SLC38A6: variants seen among roughly 807,000 people sequenced by gnomAD.
The protein encoded by SLC38A6 is N system amino acid transporter NAT-1.
A neutral mutation model predicts 65.0 loss-of-function variants in SLC38A6; 73 were observed. The ratio of observed to expected loss-of-function variants is 1.12; its 90% CI spans 0.93 to 1.37. The LOEUF is 1.37. Ranked by LOEUF, SLC38A6 falls within the 40% of genes most tolerant of loss-of-function variation. SLC38A6 has a pLI of 0.00. For missense variants in SLC38A6, 561 were observed against 531.1 expected, an observed-to-expected ratio of 1.06 and a Z score of -0.55; for synonymous variants, 183 against 178.8, an observed-to-expected ratio of 1.02 and a Z score of -0.19.
chr14:61,007,889 A>C (rs2039269020), intron 3 of SLC38A6, among the ~76,000 whole-genome samples: 1 of 152,206 alleles, frequency 6.6e-6, no homozygotes, highest in Non-Finnish European at 1.5e-5. Flanking sequence ...ATTAAGCTTA[A>C]GAATATTAAA....
intron 2 of SLC38A6, among the ~76,000 whole-genome samples, chr14:60,983,953 T>C (rs1038420190): frequency 6.6e-6 from 1 of 152,216 alleles, no homozygotes; most frequent in Admixed American, 6.5e-5. Context: ...ATTTGTACTT[T>C]TACCTCTCAA....
chr14:61,077,413 C>T (rs1038432031), intron 15 of SLC38A6, among the ~76,000 whole-genome samples: 1 of 152,142 alleles, frequency 6.6e-6, no homozygotes, highest in African/African-American at 2.4e-5. Flanking sequence ...CTAATCCTAA[C>T]CTTTGGGAGC....
Position 61,052,446 on chromosome 14 carries a change from C to A in SLC38A6, c.*17C>A. On this transcript the variant is annotated 3_prime_UTR_variant, in exon 16 of 16. Coordinates refer to ENST00000267488, the MANE Select transcript of SLC38A6 (RefSeq NM_153811.3). ...AATAAATAAAAGAAATATTTTCCTACTTCTTACAAGAATAATATACCCCTA... is the reference window on the plus strand; with the variant it reads ...AATAAATAAAAGAAATATTTTCCTAATTCTTACAAGAATAATATACCCCTA... 1 of 1,556,316 alleles carries A rather than the reference C, an allele frequency of 6.4e-7. No individual in the cohort carries two copies. Among genetic ancestry groups the A allele is most frequent in the Non-Finnish European group, 8.7e-7 (1 of 1,153,986 alleles).
intron 15 of SLC38A6, among the ~76,000 whole-genome samples, chr14:61,062,565 G>C (rs2042886364): frequency 6.6e-6 from 1 of 151,734 alleles, no homozygotes; most frequent in Non-Finnish European, 1.5e-5. Context: ...GGGCTCAAGT[G>C]ATCCCAGTGC....
chr14:60,981,953 G>A (rs972357568), intron 1 of SLC38A6, among the ~76,000 whole-genome samples: 2 of 152,174 alleles, frequency 1.3e-5, no homozygotes, highest in South Asian at 2.1e-4. Context: ...GGTGCTGTTT[G>A]TGGGGAGGGG....
chr14:61,041,096 C>CAG (rs1313091802), intron 8 of SLC38A6, among the ~76,000 whole-genome samples: 13 of 152,144 alleles, frequency 8.5e-5, no homozygotes, highest in African/African-American at 3.1e-4. Flanking sequence ...GGGCTTAGAG[C>CAG]AGAGAGAAGG....
intron 15 of SLC38A6, among the ~76,000 whole-genome samples, chr14:61,076,272 T>C (rs1028428036): frequency 6.6e-6 from 1 of 152,196 alleles, no homozygotes; most frequent in Admixed American, 6.5e-5. Flanking sequence ...CTGGTTTTCT[T>C]ACCCAGTTCT....
intron 8 of SLC38A6, among the ~76,000 whole-genome samples, chr14:61,042,115 G>A (rs1203467801): frequency 6.6e-6 from 1 of 152,058 alleles, no homozygotes; most frequent in African/African-American, 2.4e-5. Context: ...AGCTTGTCTA[G>A]TTTATCCTTC....
At chr14:61,051,716 A>G in intron 13 of SLC38A6, 71 bp from the exon 14 acceptor site, 1 of 1,552,920 alleles carries the variant, frequency 6.4e-7, no homozygotes, top group South Asian at 1.2e-5. Flanking sequence ...GTTGTTGTAT[A>G]TGTTTCTCTC....
chr14:61,041,005 G>T (rs2041774514), intron 8 of SLC38A6, among the ~76,000 whole-genome samples: 4 of 152,156 alleles, frequency 2.6e-5, no homozygotes, highest in Admixed American at 2.6e-4. Context: ...AGAGTTGAGA[G>T]GAGAGAAGGC....
intron 3 of SLC38A6, among the ~76,000 whole-genome samples, chr14:60,992,322 T>G (rs2037961173): frequency 6.6e-6 from 1 of 152,188 alleles, no homozygotes; most frequent in Non-Finnish European, 1.5e-5. Flanking sequence ...TGTGCTCCTC[T>G]TCCTGTACCG....
downstream of SLC38A6, among the ~76,000 whole-genome samples, chr14:61,053,939 A>G (rs1334879388): frequency 1.3e-5 from 2 of 152,046 alleles, no homozygotes; most frequent in Non-Finnish European, 2.9e-5. Context: ...TTGTCATGAA[A>G]TCTTTGCCCA....
At chr14:61,007,835 G>A (rs964349009) in intron 3 of SLC38A6, among the ~76,000 whole-genome samples, 7 of 151,936 alleles carry the variant, frequency 4.6e-5, no homozygotes, top group African/African-American at 1.5e-4. Context: ...CCAAGGCTTT[G>A]GGATGTTAAA....
chr14:61,050,594 A>G lies in SLC38A6; in HGVS notation c.1008A>G (p.Ile336Met). 1 of 1,599,166 alleles carries G rather than the reference A, an allele frequency of 6.3e-7. No individual in the cohort carries two copies. Among genetic ancestry groups the G allele is most frequent in the Non-Finnish European group, 8.5e-7 (1 of 1,170,064 alleles). Residue 336 changes from isoleucine (I) to methionine (M), a missense_variant, in exon 13 of 16, where the codon ATA becomes ATG. By Grantham distance (10) the Ile-to-Met change is conservative (BLOSUM62 1). Transcript: ENST00000267488. ...TTGTCATGACTGTGAAGTTATGCAT[A>G]CTATTTGCTGTGCTTTTGACAGTCC... ...DVVVMTVKLCILFAVLLTVPL... is the reference protein window; with the variant it reads ...DVVVMTVKLCMLFAVLLTVPL...
intron 3 of SLC38A6, among the ~76,000 whole-genome samples, chr14:60,990,888 T>C (rs1356665454): frequency 1.3e-5 from 2 of 152,150 alleles, no homozygotes; most frequent in Non-Finnish European, 2.9e-5. Context: ...CTTACCACGA[T>C]GCCTAGGCTG....
chr14:61,078,844 G>C, exon 16 of SLC38A6: 1 of 215,656 alleles, frequency 4.6e-6, no homozygotes. Context: ...GCGTGCAGTG[G>C]TGTGATCTCA....
chr14:61,074,135 C>T (rs2043319778), intron 15 of SLC38A6, among the ~76,000 whole-genome samples: 1 of 152,156 alleles, frequency 6.6e-6, no homozygotes, highest in Non-Finnish European at 1.5e-5. Context: ...AAATTGTACA[C>T]AGATTTTCAA....
Position 61,011,377 on chromosome 14 carries a change from T to C in SLC38A6, c.311-4527T>C, listed in dbSNP as rs1314724162. On this transcript the variant is annotated intron_variant, in intron 3 of 15. Transcript: ENST00000267488. The stretch of plus-strand genomic sequence containing the variant: ...CCTAATTGAATACCCTTTATTTCCT[T>C]CTCCTGCCTGATTGCCCTGGCCAGA... 2.6e-5 allele frequency among the ~76,000 whole-genome samples: 4 copies of C among 152,154 alleles called. No individual in the cohort carries two copies. In the East Asian group the frequency reaches 7.7e-4, roughly 29 times the overall value.
intron 1 of SLC38A6, chr14:60,981,841 T>G (rs1476392970): frequency 1.0e-5 from 9 of 857,224 alleles, no homozygotes; most frequent in Middle Eastern, 4.0e-4. Flanking sequence ...TGGAAGTGGC[T>G]TGGTAGTAAG....
Sources: gnomAD v4.1 joint callset for allele counts (sites outside exome capture counted in the v4.1 genomes callset) on GRCh38, gnomAD v4.1.1 for gene constraint, MANE v1.5 for transcripts, NCBI Gene and HGNC (gene_info 2026-07-23, HGNC 2026-07-21) for gene names.